ZNRF1: variants seen among roughly 807,000 people sequenced by gnomAD.
The protein encoded by ZNRF1 is E3 ubiquitin-protein ligase ZNRF1.
Under a neutral mutation model 18.4 loss-of-function variants are expected in ZNRF1, and 3 were observed. That is an observed-to-expected ratio of 0.16 (90% CI 0.07 to 0.42). The LOEUF (loss-of-function observed/expected upper bound fraction) is 0.42. ZNRF1 is among the 10% of genes least tolerant of loss of function. The pLI is 0.99. For synonymous variants in ZNRF1, 157 were observed against 144.2 expected, an observed-to-expected ratio of 1.09 and a Z score of -0.64; for missense variants, 310 against 329.8, an observed-to-expected ratio of 0.94 and a Z score of 0.47.
intron 2 of ZNRF1, among the ~76,000 whole-genome samples, chr16:75,102,575 G>A (rs1597911735): frequency 6.6e-6 from 1 of 152,258 alleles, no homozygotes; most frequent in Middle Eastern, 3.4e-3. Context: ...TTTTGTTCAC[G>A]TCGCCTCTTT....
intron 1 of ZNRF1, among the ~76,000 whole-genome samples, chr16:75,059,874 C>T (rs1658378236): frequency 6.6e-6 from 1 of 152,190 alleles, no homozygotes. Flanking sequence ...GTTCCTTCAT[C>T]TCATTTCTCT....
chr16:75,106,832 T>C, intron 4 of ZNRF1: 2 of 362,590 alleles, frequency 5.5e-6, no homozygotes, highest in Non-Finnish European at 1.0e-5. Context: ...CAGTACAATC[T>C]ACATTCCTAA....
intron 2 of ZNRF1, among the ~76,000 whole-genome samples, chr16:75,103,508 G>A (rs1336391852): frequency 6.6e-6 from 1 of 151,712 alleles, no homozygotes; most frequent in Non-Finnish European, 1.5e-5. Flanking sequence ...CCAGGGGCTG[G>A]GCGGGGGGAA....
chr16:75,007,930 A>G (rs1473569333), intron 1 of ZNRF1, among the ~76,000 whole-genome samples: 1 of 152,148 alleles, frequency 6.6e-6, no homozygotes, highest in East Asian at 1.9e-4. Flanking sequence ...CAATAGCAAG[A>G]TCACGCTCAC....
At chr16:75,031,018 A>G (rs1183851431) in intron 1 of ZNRF1, among the ~76,000 whole-genome samples, 1 of 151,558 alleles carries the variant, frequency 6.6e-6, no homozygotes, top group African/African-American at 2.4e-5. Context: ...TTGTATTTTT[A>G]GTAGAGATGG....
intron 1 of ZNRF1, among the ~76,000 whole-genome samples, chr16:75,002,949 T>TA (rs956714232): frequency 3.3e-5 from 5 of 152,204 alleles, no homozygotes; most frequent in Admixed American, 1.3e-4. Flanking sequence ...ACTCACCTGT[T>TA]ACCTTAATCA....
intron 3 of ZNRF1, chr16:75,105,236 G>A (rs1046333391): frequency 3.0e-5 from 8 of 267,132 alleles, no homozygotes; most frequent in Admixed American, 4.8e-5. Context: ...CTTCCTCTAC[G>A]GGTCCCTCTG....
In ZNRF1 at chr16:74,999,852, C is replaced by G. The variant is rs1441558066; in HGVS notation, c.181C>G (p.Pro61Ala). The G allele has an allele frequency of 4.0e-6, 6 of 1,504,870 alleles. No individual in the cohort carries two copies. In the South Asian group the frequency reaches 5.1e-5, roughly 13 times the overall value. The allele number at this position is 1,504,870 out of a possible 1,614,324, so 93.2% of individuals were successfully genotyped here. The change falls in exon 1 of 5, where the codon CCC (proline) becomes GCC (alanine). Residue 61 changes from proline (P) to alanine (A), a missense_variant. Coordinates refer to ENST00000335325, the MANE Select transcript of ZNRF1 (RefSeq NM_032268.5). ...VSSVAGMGMDPSTAGGVPFGL... is the reference protein window; with the variant it reads ...VSSVAGMGMDASTAGGVPFGL... ...CTCGGTGGCAGGCATGGGCATGGAC[C>G]CCAGCACGGCCGGGGGGGTGCCCTT...
Position 74,999,218 on chromosome 16 carries a change from G to C in ZNRF1, c.-454G>C, listed in dbSNP as rs1310016064. ...GGTCCGGGCCGCCGTCCATGGTCGC[G>C]GCGTCCTGAGGCGGGGGACGCGCCC... is the stretch of plus-strand genomic sequence containing the variant. On this transcript the variant is annotated 5_prime_UTR_variant, in exon 1 of 5. Coordinates refer to ENST00000335325, the MANE Select transcript of ZNRF1 (RefSeq NM_032268.5). The C allele has an allele frequency of 6.8e-6, 1 of 147,096 alleles. No individual in the cohort carries two copies. The highest frequency in any genetic ancestry group is 2.4e-5 in the African/African-American group (1 of 40,904). The allele number at this position is 147,096 out of a possible 1,614,324, so 9.1% of individuals were successfully genotyped here. A position where few individuals can be genotyped will look rare whatever the true frequency, so the allele number is the denominator to read the frequency against.
At chr16:75,072,368 C>T (rs1803019883) in intron 1 of ZNRF1, among the ~76,000 whole-genome samples, 1 of 152,160 alleles carries the variant, frequency 6.6e-6, no homozygotes, top group African/African-American at 2.4e-5. Flanking sequence ...AATGGCAGTG[C>T]AGGCCCCACT....
chr16:75,035,029 G>A (rs933437912), intron 1 of ZNRF1, among the ~76,000 whole-genome samples: 1 of 152,044 alleles, frequency 6.6e-6, no homozygotes, highest in Non-Finnish European at 1.5e-5. Flanking sequence ...CTTTTTCATA[G>A]CAACTGCACC....
At position 75,109,142 on chromosome 16, in the gene ZNRF1, T is replaced by G. The variant is rs1567498602; in HGVS notation, c.*1442T>G. 1 of 152,334 alleles carries G rather than the reference T, an allele frequency of 6.6e-6. No homozygotes were observed. The highest frequency in any genetic ancestry group is 1.5e-5 in the Non-Finnish European group (1 of 68,106). 9.4% of individuals were successfully genotyped at this position (152,334 alleles called of 1,614,324 possible). ...GTGCTGACTCACGGGCATGCTTCATTGAGGCCCAGGAAGAGGCCCTGGTTT... is the reference window on the plus strand; with the variant it reads ...GTGCTGACTCACGGGCATGCTTCATGGAGGCCCAGGAAGAGGCCCTGGTTT... On this transcript the variant is annotated 3_prime_UTR_variant, in exon 5 of 5. Transcript: ENST00000335325.
intron 1 of ZNRF1, among the ~76,000 whole-genome samples, chr16:75,018,520 A>G (rs1001308063): frequency 6.6e-6 from 1 of 152,060 alleles, no homozygotes; most frequent in East Asian, 1.9e-4. Flanking sequence ...TTTAAAGGGA[A>G]TGTTTCCTGC....
At chr16:75,023,547 G>A (rs1259643232) in intron 1 of ZNRF1, among the ~76,000 whole-genome samples, 1 of 152,124 alleles carries the variant, frequency 6.6e-6, no homozygotes, top group African/African-American at 2.4e-5. Flanking sequence ...AGTTGGGCGT[G>A]GTGGCAGGCA....
At chr16:75,006,231 A>G (rs995509957) in intron 1 of ZNRF1, among the ~76,000 whole-genome samples, 2 of 152,184 alleles carry the variant, frequency 1.3e-5, no homozygotes, top group South Asian at 2.1e-4. Context: ...TGTATACCCA[A>G]TTATAAAACT....
At chr16:75,002,913 G>T (rs994768746) in intron 1 of ZNRF1, among the ~76,000 whole-genome samples, 2 of 152,128 alleles carry the variant, frequency 1.3e-5, no homozygotes, top group Non-Finnish European at 2.9e-5. Context: ...CTTAAAAATT[G>T]GCCCCTCCGG....
chr16:75,015,958 C>G (rs2035061203), intron 1 of ZNRF1, among the ~76,000 whole-genome samples: 1 of 142,958 alleles, frequency 7.0e-6, no homozygotes, highest in Admixed American at 7.3e-5. Context: ...GTTGCTCTGT[C>G]CACCCAGGCT....
intron 1 of ZNRF1, among the ~76,000 whole-genome samples, chr16:75,010,719 G>GTT (rs71158572): frequency 0.036 from 3,039 of 84,970 alleles, 236 homozygotes; most frequent in East Asian, 0.2. Flanking sequence ...TTGTTTTTTT[G>GTT]TTTTTTTTTT....
At chr16:75,013,299 A>C (rs1474600140) in intron 1 of ZNRF1, among the ~76,000 whole-genome samples, 1 of 151,946 alleles carries the variant, frequency 6.6e-6, no homozygotes, top group South Asian at 2.1e-4. Context: ...GGTAAGTCTT[A>C]TCATGAGTTC....
Sources: gnomAD v4.1 joint callset for allele counts (sites outside exome capture counted in the v4.1 genomes callset) on GRCh38, gnomAD v4.1.1 for gene constraint, MANE v1.5 for transcripts, NCBI Gene and HGNC (gene_info 2026-07-23, HGNC 2026-07-21) for gene names.